Variants in KIF25 observed in about 807,000 individuals in gnomAD.
The protein encoded by KIF25 is kinesin family member 25.
KIF25 carries 19 observed loss-of-function variants against 32.9 expected under a neutral mutation model. The ratio of observed to expected loss-of-function variants is 0.58; its 90% CI spans 0.40 to 0.85. KIF25 has a LOEUF of 0.85. Among genes scored for constraint, KIF25 ranks in the 40% least tolerant of loss-of-function variants. KIF25 has a pLI of 0.00. For synonymous variants in KIF25, 225 were observed against 213.7 expected, an observed-to-expected ratio of 1.05 and a Z score of -0.46; for missense variants, 485 against 507.0, an observed-to-expected ratio of 0.96 and a Z score of 0.42.
intron 5 of KIF25, among the ~76,000 whole-genome samples, chr6:168,028,468 C>A (rs973931949): frequency 6.6e-6 from 1 of 152,234 alleles, no homozygotes; most frequent in Non-Finnish European, 1.5e-5. Context: ...CTAATTCACG[C>A]AGCAAGACCA....
At chr6:168,017,778 G>T (rs1798735570) in intron 4 of KIF25, 195 bp from the exon 5 acceptor site, 1 of 152,158 alleles carries the variant, frequency 6.6e-6, no homozygotes, top group African/African-American at 2.4e-5. Flanking sequence ...AGGCCACGTG[G>T]TCTCCAACTC....
chr6:168,033,366 G>A (rs1798967923), intron 7 of KIF25, among the ~76,000 whole-genome samples: 1 of 152,126 alleles, frequency 6.6e-6, no homozygotes, highest in African/African-American at 2.4e-5. Flanking sequence ...TGGGCGTGCT[G>A]ATGCATGCCT....
At chr6:168,015,993 G>A (rs1474475978) in intron 4 of KIF25, among the ~76,000 whole-genome samples, 1 of 152,150 alleles carries the variant, frequency 6.6e-6, no homozygotes, top group Non-Finnish European at 1.5e-5. Context: ...AAACACTCTG[G>A]GGTGTGTGTT....
In KIF25 at chr6:168,044,938, G is replaced by T. The variant is rs749301347; in HGVS notation, c.1097G>T (p.Gly366Val). The change falls in exon 13 of 13, where the codon GGC becomes GTC. Residue 366 changes from glycine to valine, a missense_variant. Transcript: ENST00000643607. The part of the protein sequence containing the change: ...FGIRARQVQR[G>V]PARKKPPSSQ... Reference sequence around the variant, plus strand: ...ATCCGAGCTCGGCAAGTCCAGCGAGGCCCTGCCCGAAAGAAGCCGCCCAGC... The same window carrying T: ...ATCCGAGCTCGGCAAGTCCAGCGAGTCCCTGCCCGAAAGAAGCCGCCCAGC... The T allele has an allele frequency of 7.4e-6, 12 of 1,611,868 alleles. No homozygotes were observed. In the South Asian group the frequency reaches 1.1e-4, roughly 15 times the overall value.
chr6:168,019,165 G>A (rs867079710), intron 5 of KIF25, among the ~76,000 whole-genome samples: 7 of 152,186 alleles, frequency 4.6e-5, no homozygotes, highest in Admixed American at 2.0e-4. Context: ...TAATAAAGCC[G>A]AAGAAAAATT....
intron 6 of KIF25, among the ~76,000 whole-genome samples, 187 bp downstream of exon 6, chr6:168,029,864 G>A (rs1798916785): frequency 1.4e-5 from 2 of 143,512 alleles, no homozygotes; most frequent in African/African-American, 5.0e-5. Context: ...TCATGCATGT[G>A]GAACACCTCA....
intron 5 of KIF25, among the ~76,000 whole-genome samples, chr6:168,024,193 T>C (rs755744276): frequency 6.6e-6 from 1 of 152,226 alleles, no homozygotes; most frequent in Non-Finnish European, 1.5e-5. Context: ...AGAAAAATGA[T>C]ACTTTTTATC....
chr6:168,003,241 CAG>C lies in KIF25; in HGVS notation c.-252-372_-252-371del, dbSNP rs141979613. On this transcript the variant is annotated intron_variant, in intron 3 of 12. Coordinates refer to ENST00000643607, the MANE Select transcript of KIF25 (RefSeq NM_030615.4). ...GAAGATGAAAACAAGAAATAAAGAA[CAG>C]GGGTATTGGAGTAAAAAAATCAAGA... Among the ~76,000 whole-genome samples the C allele has an allele frequency of 7.0e-4, 106 of 151,836 alleles. 1 individual carries two copies. In the East Asian group the frequency reaches 0.014, roughly 20 times the overall value.
intron 4 of KIF25, among the ~76,000 whole-genome samples, chr6:168,015,119 G>A (rs74917676): frequency 0.02 from 3,082 of 152,166 alleles, 54 homozygotes; most frequent in Non-Finnish European, 0.03. Context: ...ACGTGGGTTC[G>A]CTGGGCCTTG....
intron 5 of KIF25, among the ~76,000 whole-genome samples, chr6:168,026,132 G>A (rs942706266): frequency 2.6e-5 from 4 of 152,214 alleles, no homozygotes; most frequent in African/African-American, 7.2e-5. Flanking sequence ...CTCAGTCTTT[G>A]GGTTACACCA....
At chr6:168,042,426 A>ACT (rs1298700294) in intron 11 of KIF25, 135 bp from the exon 12 acceptor site, 9 of 1,154,924 alleles carry the variant, frequency 7.8e-6, no homozygotes, top group Non-Finnish European at 9.8e-6. Flanking sequence ...CATGAAAGAC[A>ACT]CTCACTCTCA....
intron 4 of KIF25, among the ~76,000 whole-genome samples, chr6:168,004,110 C>T (rs935993050): frequency 3.3e-5 from 5 of 152,114 alleles, no homozygotes; most frequent in Admixed American, 6.6e-5. Flanking sequence ...ACGAAAAGGC[C>T]GAGAAGTCAG....
intron 5 of KIF25, among the ~76,000 whole-genome samples, chr6:168,027,666 C>G (rs935071826): frequency 1.3e-5 from 2 of 152,158 alleles, no homozygotes; most frequent in Non-Finnish European, 2.9e-5. Flanking sequence ...CCGGGACCGC[C>G]CCTCCTCCCC....
chr6:168,013,404 G>A (rs996926092), intron 4 of KIF25, among the ~76,000 whole-genome samples: 1 of 152,050 alleles, frequency 6.6e-6, no homozygotes, highest in African/African-American at 2.4e-5. Flanking sequence ...AGCCACCCGT[G>A]TAGGCTTGGA....
chr6:168,039,033 C>T (rs1035350024), intron 9 of KIF25, among the ~76,000 whole-genome samples: 5 of 150,920 alleles, frequency 3.3e-5, no homozygotes, highest in African/African-American at 9.9e-5. Flanking sequence ...ACAATGTATT[C>T]GCATATCAAA....
chr6:168,010,348 A>T (rs149132930), intron 4 of KIF25, among the ~76,000 whole-genome samples: 12 of 152,236 alleles, frequency 7.9e-5, no homozygotes, highest in African/African-American at 2.9e-4. Context: ...GTTTCAGAGA[A>T]TTTTAAATTT....
chr6:168,008,221 C>T lies in KIF25; in HGVS notation c.-163+4518C>T, dbSNP rs77916411. Among the ~76,000 whole-genome samples the T allele has an allele frequency of 3.6e-3, 554 of 152,232 alleles. 2 individuals are homozygous for T. Among genetic ancestry groups the T allele is most frequent in the African/African-American group, 0.012 (505 of 41,550 alleles). ...AATCACTTTGTGTCTCACATTTAGG[C>T]CTTTGATCCATTTTGAGTTGATTTC... is the stretch of plus-strand genomic sequence containing the variant. On this transcript the variant is annotated intron_variant, in intron 4 of 12. Coordinates refer to ENST00000643607, the MANE Select transcript of KIF25 (RefSeq NM_030615.4).
Position 168,029,477 on chromosome 6 carries a change from C to G in KIF25, c.-94-15C>G. ...TGGTAATACTGTTACGTTTTCAAGTCATGATCCTTTACAGATATACTGGCC... is the reference window on the plus strand; with the variant it reads ...TGGTAATACTGTTACGTTTTCAAGTGATGATCCTTTACAGATATACTGGCC... On this transcript the variant is annotated splice_polypyrimidine_tract_variant and intron_variant, in intron 5 of 12. Coordinates refer to ENST00000643607, the MANE Select transcript of KIF25 (RefSeq NM_030615.4). The G allele has an allele frequency of 6.6e-7, 1 of 1,505,294 alleles. No homozygotes were observed. The highest frequency in any genetic ancestry group is 8.9e-7 in the Non-Finnish European group (1 of 1,124,234). The allele number at this position is 1,505,294 out of a possible 1,614,324, so 93.2% of individuals were successfully genotyped here.
At chr6:168,043,691 C>T (rs534208852) in intron 12 of KIF25, among the ~76,000 whole-genome samples, 2 of 152,336 alleles carry the variant, frequency 1.3e-5, no homozygotes, top group East Asian at 3.9e-4. Flanking sequence ...GTCAGGGGCA[C>T]AGCCCACCCG....
Sources: allele counts gnomAD v4.1 joint callset (sites outside exome capture counted in the v4.1 genomes callset), GRCh38; gene constraint gnomAD v4.1.1; transcripts MANE v1.5; gene names NCBI Gene and HGNC (gene_info 2026-07-23, HGNC 2026-07-21).